NTM: variants seen among roughly 807,000 people sequenced by gnomAD.
NTM encodes the protein IgLON family member 2.
A neutral mutation model predicts 42.1 loss-of-function variants in NTM; 13 were observed. The observed-to-expected ratio is 0.31, with a 90% CI of 0.20 to 0.49. The LOEUF is 0.49. Ranked by LOEUF, NTM falls within the 20% of genes least tolerant of loss-of-function variation. The pLI is 0.99. For synonymous variants in NTM, 187 were observed against 179.2 expected (o/e 1.04, Z -0.35); for missense variants, 373 against 452.8 (o/e 0.82, Z 1.60).
chr11:132,146,018 G>T lies in NTM; in HGVS notation c.168-264G>T, dbSNP rs181536862. Among the ~76,000 whole-genome samples, 6 of 152,190 alleles carry T rather than the reference G, an allele frequency of 3.9e-5. No individual in the cohort carries two copies. Among genetic ancestry groups the T allele is most frequent in the Non-Finnish European group, 7.3e-5 (5 of 68,038 alleles). ...TATCCAGCCATCCTGGGCATGCAAG[G>T]TACCTCTAGGTTATAACTGAGATCG... On this transcript the variant is annotated intron_variant, in intron 2 of 8. Transcript: ENST00000683400. This position sits in a 1 kb window ranked among gnomAD's most constrained non-coding sequence, Gnocchi z 4.5.
At chr11:131,663,155 T>G (rs2068387610) in intron 1 of NTM, 1 of 152,170 alleles carries the variant, frequency 6.6e-6, no homozygotes. Context: ...TATTCCTACA[T>G]GCATACTCAC....
intron 2 of NTM, among the ~76,000 whole-genome samples, chr11:132,052,773 C>CTGTGTG (rs5795753): frequency 0.086 from 12,766 of 148,252 alleles, 594 homozygotes; most frequent in South Asian, 0.2. Context: ...TCCAGGCTCA[C>CTGTGTG]TGTGTGTGTG....
intron 2 of NTM, among the ~76,000 whole-genome samples, chr11:131,960,320 G>A (rs987044666): frequency 2.0e-5 from 3 of 152,250 alleles, no homozygotes; most frequent in South Asian, 4.2e-4. Context: ...CTACATGATC[G>A]TTAGGACTTA....
Position 131,424,943 on chromosome 11 carries a change from G to A in NTM, c.82+54055G>A, listed in dbSNP as rs551683025. ...CACCCAGGTTGGAATGCGGTGGCTC[G>A]ATCTTGGCTCATTGAAACCTCCGCC... On this transcript the variant is annotated intron_variant, in intron 1 of 8. Coordinates refer to ENST00000683400, the MANE Select transcript of NTM (RefSeq NM_001352005.2). Among the ~76,000 whole-genome samples the A allele has an allele frequency of 3.7e-4, 53 of 143,886 alleles. No homozygotes were observed. The South Asian group carries it at 0.011, about 30-fold the overall frequency. The allele number at this position is 143,886 out of a possible 152,430, so 94.4% of individuals were successfully genotyped here.
intron 4 of NTM, among the ~76,000 whole-genome samples, chr11:132,249,279 G>T (rs2091643203): frequency 6.6e-6 from 1 of 152,168 alleles, no homozygotes; most frequent in Non-Finnish European, 1.5e-5. Context: ...TGATGAGAGG[G>T]TGTGTGTGTA....
chr11:131,910,416 CTGGTGCA>C (rs533449822), intron 1 of NTM, among the ~76,000 whole-genome samples: 2,112 of 152,096 alleles, frequency 0.014, 28 homozygotes, highest in Non-Finnish European at 0.022. Flanking sequence ...CTGGGCTGGG[CTGGTGCA>C]CAGCCTGGGC....
Position 131,810,540 on chromosome 11 carries a change from G to C in NTM, c.83-101024G>C, listed in dbSNP as rs572951231. Among the ~76,000 whole-genome samples, 3 of 152,308 alleles carry C rather than the reference G, an allele frequency of 2.0e-5. No individual in the cohort carries two copies. The South Asian group carries it at 6.2e-4, about 32-fold the overall frequency. On this transcript the variant is annotated intron_variant, in intron 1 of 8. Coordinates refer to ENST00000683400, the MANE Select transcript of NTM (RefSeq NM_001352005.2). ...CTGATAGGAATGAGCACGAGCGGCA[G>C]GTGGGCAGGTACCATGCTTGTGTCT...
chr11:131,713,818 G>T (rs1233639752), intron 1 of NTM, among the ~76,000 whole-genome samples: 1 of 152,170 alleles, frequency 6.6e-6, no homozygotes, highest in East Asian at 1.9e-4. Context: ...TTTACAGCAG[G>T]AGTGAAAGTT....
At chr11:131,483,737 C>T (rs1042055359) in intron 1 of NTM, among the ~76,000 whole-genome samples, 1 of 152,208 alleles carries the variant, frequency 6.6e-6, no homozygotes, top group Non-Finnish European at 1.5e-5. Context: ...GTGAAAGCCT[C>T]AGCTGGCTGC....
intron 1 of NTM, among the ~76,000 whole-genome samples, chr11:131,741,205 G>GAGAGAGAT (rs2081163483): frequency 8.0e-6 from 1 of 124,602 alleles, no homozygotes; most frequent in Admixed American, 8.7e-5. Flanking sequence ...GAGAGAGAGA[G>GAGAGAGAT]AGATGTTTTT....
intron 1 of NTM, among the ~76,000 whole-genome samples, chr11:131,765,932 A>G (rs1189010210): frequency 6.6e-6 from 1 of 152,242 alleles, no homozygotes; most frequent in Non-Finnish European, 1.5e-5. Flanking sequence ...TTCTGAGTTG[A>G]TTACCAATAA....
At chr11:132,032,221 C>T (rs1212807960) in intron 2 of NTM, among the ~76,000 whole-genome samples, 1 of 152,186 alleles carries the variant, frequency 6.6e-6, no homozygotes, top group African/African-American at 2.4e-5. Flanking sequence ...TTCTGCAACT[C>T]TGCTCTCCTG....
intron 1 of NTM, among the ~76,000 whole-genome samples, chr11:131,740,084 C>G (rs1286978531): frequency 6.6e-6 from 1 of 152,220 alleles, no homozygotes; most frequent in Non-Finnish European, 1.5e-5. Context: ...GTCACCGACT[C>G]TCAGTTTTCT....
At chr11:131,703,530 T>A (rs985084583) in intron 1 of NTM, among the ~76,000 whole-genome samples, 1 of 152,084 alleles carries the variant, frequency 6.6e-6, no homozygotes. Context: ...ATCATAAAAT[T>A]TAAAAACAGT....
intron 1 of NTM, among the ~76,000 whole-genome samples, chr11:131,669,597 C>G (rs1003102052): frequency 6.6e-6 from 1 of 152,154 alleles, no homozygotes; most frequent in African/African-American, 2.4e-5. Context: ...CGTCACTCAG[C>G]AATTCAGCGG....
chr11:131,723,450 G>A (rs969385271), intron 1 of NTM, among the ~76,000 whole-genome samples: 10 of 152,228 alleles, frequency 6.6e-5, no homozygotes, highest in African/African-American at 1.9e-4. Flanking sequence ...GAGGGTTTAT[G>A]TTAAACACGT....
chr11:131,869,183 G>A (rs1439555752), intron 1 of NTM, among the ~76,000 whole-genome samples: 1 of 152,028 alleles, frequency 6.6e-6, no homozygotes, highest in Non-Finnish European at 1.5e-5. Flanking sequence ...TAATGTGTGT[G>A]CTATCCCCTA....
chr11:132,191,964 AT>A (rs1159461004), intron 3 of NTM, among the ~76,000 whole-genome samples: 2 of 152,292 alleles, frequency 1.3e-5, no homozygotes, highest in African/African-American at 2.4e-5. Context: ...AGGCAAAAAA[AT>A]TTTTTTAAAG....
In NTM at chr11:132,002,205, A is replaced by G. The variant is rs1465487079; in HGVS notation, c.167+90557A>G. On this transcript the variant is annotated intron_variant, in intron 2 of 8. Coordinates refer to ENST00000683400, the MANE Select transcript of NTM (RefSeq NM_001352005.2). The surrounding 1 kb of genome is among the most constrained non-coding windows in gnomAD (Gnocchi z 4.5). ...CTCCATTGGCAACAGAGAGTCACTG[A>G]AGGTTTTGAATAGGGAAGTGACTTG... Among the ~76,000 whole-genome samples, 1 of 152,288 alleles carries G rather than the reference A, an allele frequency of 6.6e-6. No homozygotes were observed.
Sources: gnomAD v4.1 joint callset for allele counts (sites outside exome capture counted in the v4.1 genomes callset) on GRCh38, gnomAD v4.1.1 for gene constraint, Gnocchi (gnomAD v3.1) non-coding constraint, MANE v1.5 for transcripts, NCBI Gene and HGNC (gene_info 2026-07-23, HGNC 2026-07-21) for gene names.